The following EP300 variants were observed in gnomAD, a reference collection of about 807,000 sequenced individuals.
EP300 encodes histone acetyltransferase p300.
In EP300, 31 loss-of-function variants were observed where a neutral mutation model predicts 264.0. The observed-to-expected ratio is 0.12, with a 90% confidence interval of 0.09 to 0.16. The LOEUF (loss-of-function observed/expected upper bound fraction) is 0.16, where lower values mean the gene tolerates loss of function less well. EP300 is among the 10% of genes least tolerant of loss of function. The probability of loss-of-function intolerance (pLI) is 1.00; values close to 1 mark genes in which losing one functional copy is unlikely to be tolerated. For synonymous variants in EP300, 1,340 were observed against 1,045.4 expected (o/e 1.28, Z -5.44); for missense variants, 2,766 against 3,052.9 (o/e 0.91, Z 2.21).
rs1430538668 is a variant in EP300 at position 41,155,128 on chromosome 22, G to T, written c.3261+15G>T. The T allele has an allele frequency of 6.5e-7, 1 of 1,543,118 alleles. No homozygotes were observed. Among genetic ancestry groups the T allele is most frequent in the Non-Finnish European group, 9.0e-7 (1 of 1,115,398 alleles). Reference sequence around the variant, plus strand: ...TAGGAATCCCTGTAAGTATTTGGTGGTACTTTTGATTTTATTTTTTAATTT... The same window carrying T: ...TAGGAATCCCTGTAAGTATTTGGTGTTACTTTTGATTTTATTTTTTAATTT... On this transcript the variant is annotated intron_variant, in intron 17 of 30. Transcript: ENST00000263253.
At chr22:41,126,580 A>AAT in intron 3 of EP300, among the ~76,000 whole-genome samples, 1 of 152,120 alleles carries the variant, frequency 6.6e-6, no homozygotes, top group East Asian at 1.9e-4. Flanking sequence ...CTTTGGAAAA[A>AAT]CATTGTCTGA....
chr22:41,170,555 T>G lies in EP300; in HGVS notation c.4436T>G (p.Ile1479Ser). ...KMLDKAVSER[I>S]VHDYKDIFKQ... ...CTTGACAAGGCTGTATCAGAGCGTATTGTCCATGACTACAAGGTCAGTTGG... is the reference window on the plus strand; with the variant it reads ...CTTGACAAGGCTGTATCAGAGCGTAGTGTCCATGACTACAAGGTCAGTTGG... The change falls in exon 27 of 31, where the codon ATT becomes AGT. Residue 1479 changes from isoleucine (I) to serine (S), a missense_variant. By Grantham distance (142) the Ile-to-Ser change is moderately radical (BLOSUM62 -2). Transcript: ENST00000263253. 1.9e-6 allele frequency: 3 copies of G among 1,614,116 alleles called. No homozygotes were observed. Among genetic ancestry groups the G allele is most frequent in the Non-Finnish European group, 2.5e-6 (3 of 1,180,024 alleles).
intron 10 of EP300, among the ~76,000 whole-genome samples, chr22:41,143,534 T>A (rs910276448): frequency 6.6e-5 from 10 of 152,188 alleles, no homozygotes; most frequent in African/African-American, 2.2e-4. Context: ...CATAACATTC[T>A]CATCTTCATG....
intron 11 of EP300, among the ~76,000 whole-genome samples, chr22:41,147,635 G>A (rs2059019067): frequency 6.6e-6 from 1 of 152,112 alleles, no homozygotes; most frequent in Admixed American, 6.5e-5. Flanking sequence ...CTACTCAGGA[G>A]GCTGAGGCAG....
At chr22:41,115,665 G>A (rs1247383656) in intron 1 of EP300, among the ~76,000 whole-genome samples, 1 of 152,098 alleles carries the variant, frequency 6.6e-6, no homozygotes, top group Non-Finnish European at 1.5e-5. Flanking sequence ...TCCTGCCTTG[G>A]CCTTCTAAAG....
In EP300 at chr22:41,111,876, C is replaced by CTT. The variant is rs71200661; in HGVS notation, c.95-5283_95-5282dup. Among the ~76,000 whole-genome samples, 437 of 54,702 alleles carry CTT rather than the reference C, an allele frequency of 8.0e-3. 59 individuals carry two copies. The highest frequency in any genetic ancestry group is 9.9e-3 in the South Asian group (9 of 906). The allele number at this position is 54,702 out of a possible 152,430, so 35.9% of individuals were successfully genotyped here. ...TTTTTTCTTTTTTAGAACTTGTAAC[C>CTT]TTTTTTTTTTTTTTTTTTTTTTTTT... On this transcript the variant is annotated intron_variant, in intron 1 of 30. Coordinates refer to ENST00000263253, the MANE Select transcript of EP300 (RefSeq NM_001429.4).
At chr22:41,097,226 G>A (rs1315696016) in intron 1 of EP300, among the ~76,000 whole-genome samples, 1 of 152,220 alleles carries the variant, frequency 6.6e-6, no homozygotes, top group Non-Finnish European at 1.5e-5. Context: ...GGTTGTCTCT[G>A]GTTGATAGTG....
intron 21 of EP300, among the ~76,000 whole-genome samples, 170 bp downstream of exon 21, chr22:41,162,949 A>G (rs192828781): frequency 1.3e-5 from 2 of 152,334 alleles, no homozygotes; most frequent in Admixed American, 1.3e-4. Flanking sequence ...ACTAAGGAAC[A>G]TTATTTCTTA....
At position 41,177,742 on chromosome 22, in the gene EP300, C is replaced by T. The variant is rs2145519019; in HGVS notation, c.6031C>T (p.Pro2011Ser). 1 of 1,613,838 alleles carries T rather than the reference C, an allele frequency of 6.2e-7. No homozygotes were observed. Among genetic ancestry groups the T allele is most frequent in the Non-Finnish European group, 8.5e-7 (1 of 1,180,026 alleles). Residue 2011 changes from proline to serine, a missense_variant, in exon 31 of 31, where the codon CCA becomes TCA. Coordinates refer to ENST00000263253, the MANE Select transcript of EP300 (RefSeq NM_001429.4). ...PQPQQLQSGMPRPAMMSVAQH... is the reference protein window; with the variant it reads ...PQPQQLQSGMSRPAMMSVAQH... Reference sequence around the variant, plus strand: ...GCCCCAGCAACTACAGTCTGGGATGCCAAGGCCAGCCATGATGTCAGTGGC... The same window carrying T: ...GCCCCAGCAACTACAGTCTGGGATGTCAAGGCCAGCCATGATGTCAGTGGC...
chr22:41,167,767 G>A (rs1391370400), intron 23 of EP300, among the ~76,000 whole-genome samples: 2 of 135,620 alleles, frequency 1.5e-5, no homozygotes, highest in Admixed American at 7.6e-5. Context: ...TAGGATTATG[G>A]GTGTGAGCCT....
intron 1 of EP300, among the ~76,000 whole-genome samples, chr22:41,094,707 T>A (rs1044482013): frequency 6.6e-6 from 1 of 152,234 alleles, no homozygotes. Flanking sequence ...TTGTGGTGTT[T>A]CTTTCGTATT....
chr22:41,098,631 A>G (rs1401875610), intron 1 of EP300, among the ~76,000 whole-genome samples: 1 of 152,178 alleles, frequency 6.6e-6, no homozygotes, highest in East Asian at 1.9e-4. Flanking sequence ...TCAGCCTCCC[A>G]AAGTGCTGGG....
In EP300 at chr22:41,092,996, G is replaced by T. The variant is rs752378303; in HGVS notation, c.-9G>T. 281 of 1,613,986 alleles carry T rather than the reference G, an allele frequency of 1.7e-4. No homozygotes were observed. The highest frequency in any genetic ancestry group is 2.3e-4 in the Non-Finnish European group (271 of 1,180,006). On this transcript the variant is annotated 5_prime_UTR_variant, in exon 1 of 31. Coordinates refer to ENST00000263253, the MANE Select transcript of EP300 (RefSeq NM_001429.4). ...GTTTTCCTCGCTTGTATCTCCGAAA[G>T]AATTAAAAATGGCCGAGAATGTGGT...
chr22:41,148,055 C>A (rs1388705853), intron 12 of EP300, 109 bp downstream of exon 12: 3 of 794,670 alleles, frequency 3.8e-6, no homozygotes, highest in Non-Finnish European at 5.9e-6. Flanking sequence ...ACCATAACTC[C>A]TAGTTCTTCT....
chr22:41,128,391 G>A (rs898669729), intron 4 of EP300, among the ~76,000 whole-genome samples: 1 of 152,002 alleles, frequency 6.6e-6, no homozygotes, highest in African/African-American at 2.4e-5. Context: ...GCCCAAGAGG[G>A]CAGGGGTTGG....
chr22:41,141,352 A>C lies in EP300; in HGVS notation c.2053+130A>C, dbSNP rs953847737. ...TTTAAATAACCATTTGCCTTTGCAA[A>C]GAAAATAACTCATCTACTAGTAAAA... On this transcript the variant is annotated intron_variant, in intron 10 of 30. Transcript: ENST00000263253. The C allele has an allele frequency of 1.7e-5, 17 of 976,078 alleles. No individual in the cohort carries two copies. The Middle Eastern group carries it at 2.0e-3, about 113-fold the overall frequency. The allele number at this position is 976,078 out of a possible 1,614,324, so 60.5% of individuals were successfully genotyped here. A position where few individuals can be genotyped will look rare whatever the true frequency, so the allele number is the denominator to read the frequency against.
chr22:41,171,637 A>C (rs1333176247), intron 27 of EP300, among the ~76,000 whole-genome samples: 1 of 151,726 alleles, frequency 6.6e-6, no homozygotes, highest in Non-Finnish European at 1.5e-5. Context: ...TCACCCAGCC[A>C]AAAATATATT....
chr22:41,176,788 A>G lies in EP300; in HGVS notation c.5077A>G (p.Ile1693Val), dbSNP rs202062917. The G allele has an allele frequency of 3.1e-6, 5 of 1,614,072 alleles. No homozygotes were observed. In the East Asian group the frequency reaches 6.7e-5, roughly 22 times the overall value. Reference sequence around the variant, plus strand: ...TTTTCCCTAGGATTATGACTTGTGTATCACCTGCTATAACACTAAAAACCA... The same window carrying G: ...TTTTCCCTAGGATTATGACTTGTGTGTCACCTGCTATAACACTAAAAACCA... ...CTVCEDYDLC[I>V]TCYNTKNHDH... The change falls in exon 31 of 31, where the codon ATC becomes GTC. Residue 1693 changes from isoleucine to valine, a missense_variant. Transcript: ENST00000263253.
chr22:41,164,226 A>G, intron 22 of EP300, 96 bp downstream of exon 22: 2 of 1,140,028 alleles, frequency 1.8e-6, no homozygotes, highest in Non-Finnish European at 2.6e-6. Flanking sequence ...TATATCTTCA[A>G]AGTTACTATC....
Sources: gnomAD v4.1 joint callset for allele counts (sites outside exome capture counted in the v4.1 genomes callset) on GRCh38, gnomAD v4.1.1 for gene constraint, MANE v1.5 for transcripts, NCBI Gene and HGNC (gene_info 2026-07-23, HGNC 2026-07-21) for gene names.